Variants in NUP88 observed in about 807,000 individuals in gnomAD.
NUP88 encodes nucleoporin 88.
NUP88 carries 57 observed loss-of-function variants against 93.9 expected under a neutral mutation model. The observed-to-expected ratio is 0.61, with a 90% confidence interval of 0.49 to 0.76. NUP88 has a LOEUF of 0.76. Ranked by LOEUF, NUP88 falls within the 30% of genes least tolerant of loss-of-function variation. NUP88 has a pLI of 0.00. For missense variants in NUP88, 911 were observed against 901.0 expected (o/e 1.01, Z -0.14); for synonymous variants, 346 against 336.8 (o/e 1.03, Z -0.30).
At chr17:5,395,231 T>C (rs1433034707) in intron 8 of NUP88, among the ~76,000 whole-genome samples, 1 of 152,228 alleles carries the variant, frequency 6.6e-6, no homozygotes, top group East Asian at 1.9e-4. Context: ...CATTCTCTTC[T>C]AGGGTGCTGC....
Position 5,419,464 on chromosome 17 carries a change from CA to C in NUP88, c.186del (p.Phe62LeufsTer18). On this transcript the variant is annotated frameshift_variant, in exon 1 of 17. Coordinates refer to ENST00000573584, the MANE Select transcript of NUP88 (RefSeq NM_002532.6). LOFTEE classifies it high-confidence loss of function. ...CACAGGAAAAGCTCTCCGCCGAGGC[CA>C]AAGACCACGTTTCTCGTCAGCAACT... is the stretch of plus-strand genomic sequence containing the variant. ...PPQLLTRNVV[F>X]GLGGELFLWD... 5.0e-6 allele frequency: 8 copies of C among 1,613,996 alleles called. No homozygotes were observed. The highest frequency in any genetic ancestry group is 6.8e-6 in the Non-Finnish European group (8 of 1,179,956).
intron 11 of NUP88, 71 bp downstream of exon 11, chr17:5,388,730 GA>G (rs754467057): frequency 7.4e-7 from 1 of 1,359,108 alleles, no homozygotes; most frequent in South Asian, 1.4e-5. Context: ...GATGAGGACA[GA>G]AAGGATGCAC....
intron 4 of NUP88, 132 bp downstream of exon 4, chr17:5,410,568 TAAA>T (rs1913777054): frequency 1.6e-6 from 1 of 628,922 alleles, no homozygotes; most frequent in Non-Finnish European, 2.8e-6. Context: ...CCTGTTCTAC[TAAA>T]AATACACTTA....
chr17:5,386,345 T>C, intron 16 of NUP88, 76 bp from the exon 17 acceptor site: 1 of 1,158,806 alleles, frequency 8.6e-7, no homozygotes, highest in Admixed American at 2.0e-5. Flanking sequence ...TTTAAACTGG[T>C]AATGTTGAAA....
Position 5,398,446 on chromosome 17 carries a change from G to C in NUP88, c.1291+1106C>G, listed in dbSNP as rs560277596. Among the ~76,000 whole-genome samples the C allele has an allele frequency of 2.0e-3, 298 of 151,826 alleles. 2 individuals are homozygous for C. The highest frequency in any genetic ancestry group is 3.7e-3 in the Admixed American group (57 of 15,256). On this transcript the variant is annotated intron_variant, in intron 8 of 16. Coordinates refer to ENST00000573584, the MANE Select transcript of NUP88 (RefSeq NM_002532.6). ...AGGGATTATAGGCGCACACCACCATGCCTGGCTAATTTTTGTATTTTTAGT... is the reference window on the plus strand; with the variant it reads ...AGGGATTATAGGCGCACACCACCATCCCTGGCTAATTTTTGTATTTTTAGT...
intron 7 of NUP88, among the ~76,000 whole-genome samples, chr17:5,402,875 TC>T (rs1181380593): frequency 6.6e-6 from 1 of 152,028 alleles, no homozygotes; most frequent in Non-Finnish European, 1.5e-5. Flanking sequence ...ACACCTGTAG[TC>T]CCAGCTACTC....
rs1180882892 is a variant in NUP88 at position 5,387,367 on chromosome 17, T to G, written c.1916+19A>C. 1.9e-6 allele frequency: 3 copies of G among 1,601,872 alleles called. No individual in the cohort carries two copies. The highest frequency in any genetic ancestry group is 2.7e-5 in the African/African-American group (2 of 74,808). On this transcript the variant is annotated intron_variant, in intron 14 of 16. Transcript: ENST00000573584. ...GTTAGTACCTGACTAGGTAACTAAATGTTATACAGCCCACTGACCTGTTCA... is the reference window on the plus strand; with the variant it reads ...GTTAGTACCTGACTAGGTAACTAAAGGTTATACAGCCCACTGACCTGTTCA...
Position 5,407,492 on chromosome 17 carries a change from C to T in NUP88, c.857+1241G>A, listed in dbSNP as rs1276816239. Among the ~76,000 whole-genome samples the T allele has an allele frequency of 3.3e-5, 5 of 152,246 alleles. No homozygotes were observed. In the East Asian group the frequency reaches 5.8e-4, roughly 18 times the overall value. ...GGTCCTGAATAAGTATCTGTTAAGTCGATTTACAAGCGAATAAACTCTAAT... is the reference window on the plus strand; with the variant it reads ...GGTCCTGAATAAGTATCTGTTAAGTTGATTTACAAGCGAATAAACTCTAAT... On this transcript the variant is annotated intron_variant, in intron 5 of 16. Transcript: ENST00000573584.
chr17:5,411,375 C>T (rs1420969922), intron 3 of NUP88, among the ~76,000 whole-genome samples: 1 of 152,054 alleles, frequency 6.6e-6, no homozygotes, highest in Non-Finnish European at 1.5e-5. Context: ...ACCAGCCTGG[C>T]CAACATGATG....
chr17:5,392,955 ATTTT>A (rs562039685), intron 9 of NUP88, among the ~76,000 whole-genome samples: 1 of 147,532 alleles, frequency 6.8e-6, no homozygotes, highest in Non-Finnish European at 1.5e-5. Flanking sequence ...ACAGTGGCTA[ATTTT>A]TTTTTTTGTT....
chr17:5,387,663 ATTT>A lies in NUP88; in HGVS notation c.1774_1776del (p.Lys592del), dbSNP rs780737484. Reference sequence around the variant, plus strand: ...TGTTTCTTTTTTTGGTCACATAATAATTTGACCCTTTAAAAACAAAAAGAAATA... The same window carrying A: ...TGTTTCTTTTTTTGGTCACATAATAAGACCCTTTAAAAACAAAAAGAAATA... On this transcript the variant is annotated inframe_deletion, in exon 13 of 17. Coordinates refer to ENST00000573584, the MANE Select transcript of NUP88 (RefSeq NM_002532.6). The A allele has an allele frequency of 1.2e-6, 2 of 1,612,952 alleles. No individual in the cohort carries two copies. Among genetic ancestry groups the A allele is most frequent in the South Asian group, 2.2e-5 (2 of 91,026 alleles).
At chr17:5,404,903 T>C (rs1913403870) in intron 6 of NUP88, among the ~76,000 whole-genome samples, 154 bp downstream of exon 6, 1 of 152,242 alleles carries the variant, frequency 6.6e-6, no homozygotes, top group Non-Finnish European at 1.5e-5. Flanking sequence ...GACTGCTAAG[T>C]GTGCTTCAGC....
At chr17:5,412,436 C>T (rs1045647199) in intron 3 of NUP88, among the ~76,000 whole-genome samples, 2 of 152,022 alleles carry the variant, frequency 1.3e-5, no homozygotes, top group African/African-American at 2.4e-5. Flanking sequence ...GTTATAAGAT[C>T]GAAAAAACAT....
intron 3 of NUP88, among the ~76,000 whole-genome samples, chr17:5,413,627 C>G (rs1913969933): frequency 6.6e-6 from 1 of 152,152 alleles, no homozygotes; most frequent in Non-Finnish European, 1.5e-5. Context: ...CCCCCAACCC[C>G]TAAAAAGCTC....
At chr17:5,401,394 CAAAAT>C (rs1913157842) in intron 7 of NUP88, among the ~76,000 whole-genome samples, 1 of 150,646 alleles carries the variant, frequency 6.6e-6, no homozygotes, top group East Asian at 2.0e-4. Context: ...AAAAAAAACA[CAAAAT>C]AATAATGTTA....
At chr17:5,412,594 AG>A (rs1004937374) in intron 3 of NUP88, among the ~76,000 whole-genome samples, 4 of 152,090 alleles carry the variant, frequency 2.6e-5, no homozygotes, top group African/African-American at 9.7e-5. Flanking sequence ...AGCCAATGGG[AG>A]CCAGAGCTCC....
chr17:5,386,163 T>C lies in NUP88; in HGVS notation c.*43A>G, dbSNP rs184082869. On this transcript the variant is annotated 3_prime_UTR_variant, in exon 17 of 17. Coordinates refer to ENST00000573584, the MANE Select transcript of NUP88 (RefSeq NM_002532.6). ...CTGTTTTACAATATGGGTTTAAGCC[T>C]TCAATGGTGTTCAGTTCAGGTGTGA... 90 of 1,485,344 alleles carry C rather than the reference T, an allele frequency of 6.1e-5. No individual in the cohort carries two copies. The African/African-American group carries it at 1.1e-3, about 18-fold the overall frequency. 92.0% of individuals were successfully genotyped at this position (1,485,344 alleles called of 1,614,324 possible).
In NUP88 at chr17:5,387,908, A is replaced by G; in HGVS notation, c.1644-4T>C. On this transcript the variant is annotated splice_region_variant and splice_polypyrimidine_tract_variant and intron_variant, in intron 11 of 16. Coordinates refer to ENST00000573584, the MANE Select transcript of NUP88 (RefSeq NM_002532.6). The stretch of plus-strand genomic sequence containing the variant: ...GGCTATGTCCTTTTCAGAAGCTCTT[A>G]AAAACAAAGTTTCTACCTTTATTTT... The G allele has an allele frequency of 1.2e-6, 2 of 1,611,712 alleles. No homozygotes were observed. Among genetic ancestry groups the G allele is most frequent in the Non-Finnish European group, 1.7e-6 (2 of 1,179,124 alleles).
At position 5,385,322 on chromosome 17, in the gene NUP88, A is replaced by G. The variant is rs757102679; in HGVS notation, c.*884T>C. On this transcript the variant is annotated 3_prime_UTR_variant, in exon 17 of 17. Transcript: ENST00000573584. ...GCCCTTCTAGGCAAAAGAAAAGCTC[A>G]GTTGGGTTTCACGAGTGTTCCTGTG... The G allele has an allele frequency of 1.6e-4, 36 of 230,956 alleles. No individual in the cohort carries two copies. Among genetic ancestry groups the G allele is most frequent in the Non-Finnish European group, 2.6e-4 (30 of 116,720 alleles). The allele number at this position is 230,956 out of a possible 1,614,324, so 14.3% of individuals were successfully genotyped here. A position where few individuals can be genotyped will look rare whatever the true frequency, so the allele number is the denominator to read the frequency against.
Sources: allele counts gnomAD v4.1 joint callset (sites outside exome capture counted in the v4.1 genomes callset), GRCh38; gene constraint gnomAD v4.1.1; transcripts MANE v1.5; gene names NCBI Gene and HGNC (gene_info 2026-07-23, HGNC 2026-07-21).